The following MIPOL1 variants were observed in gnomAD, a reference collection of about 807,000 sequenced individuals.
The protein encoded by MIPOL1 is mirror-image polydactyly 1.
Under a neutral mutation model 60.9 loss-of-function variants are expected in MIPOL1, and 57 were observed. The observed-to-expected ratio is 0.94, with a 90% confidence interval of 0.76 to 1.17. The LOEUF is 1.17. Ranked by LOEUF, MIPOL1 falls within the 50% of genes most tolerant of loss-of-function variation. MIPOL1 has a pLI of 0.00. For synonymous variants in MIPOL1, 179 were observed against 168.8 expected, an observed-to-expected ratio of 1.06 and a Z score of -0.47; for missense variants, 551 against 511.6, an observed-to-expected ratio of 1.08 and a Z score of -0.74.
At chr14:37,478,692 C>T (rs1263279135) in intron 11 of MIPOL1, among the ~76,000 whole-genome samples, 2 of 151,858 alleles carry the variant, frequency 1.3e-5, no homozygotes, top group Admixed American at 6.6e-5. Context: ...TTTAAGGACA[C>T]ATAGACTGAA....
chr14:37,230,509 G>A (rs767894094), intron 1 of MIPOL1, among the ~76,000 whole-genome samples: 4 of 152,122 alleles, frequency 2.6e-5, no homozygotes, highest in Middle Eastern at 3.2e-3. Context: ...AAGGGACAGC[G>A]TGAATACTAA....
chr14:37,238,713 G>A (rs1971872795), intron 1 of MIPOL1, among the ~76,000 whole-genome samples: 1 of 151,768 alleles, frequency 6.6e-6, no homozygotes, highest in Admixed American at 6.6e-5. Flanking sequence ...CACTTCGGAA[G>A]GTGGACTCTG....
intron 11 of MIPOL1, among the ~76,000 whole-genome samples, chr14:37,482,987 A>G (rs2094893700): frequency 6.6e-6 from 1 of 152,094 alleles, no homozygotes; most frequent in Admixed American, 6.6e-5. Context: ...ACATCCTCCT[A>G]TATACCTTAA....
At chr14:37,552,283 AT>A (rs1231881375), downstream of MIPOL1, 1 of 152,122 alleles carries the variant, frequency 6.6e-6, no homozygotes, top group African/African-American at 2.4e-5. Context: ...CATAATTGTA[AT>A]TTTTTTAACT....
intron 12 of MIPOL1, among the ~76,000 whole-genome samples, chr14:37,533,094 A>G (rs1055020876): frequency 1.3e-5 from 2 of 152,154 alleles, no homozygotes; most frequent in Non-Finnish European, 2.9e-5. Flanking sequence ...TATGATGAGT[A>G]TGCATCATAA....
At chr14:37,255,141 A>G (rs1974724417) in intron 3 of MIPOL1, among the ~76,000 whole-genome samples, 1 of 151,874 alleles carries the variant, frequency 6.6e-6, no homozygotes, top group Admixed American at 6.6e-5. Flanking sequence ...CTTGTAACAC[A>G]TATTTACAAC....
intron 3 of MIPOL1, among the ~76,000 whole-genome samples, chr14:37,264,812 C>T (rs930733642): frequency 2.6e-5 from 4 of 152,064 alleles, no homozygotes; most frequent in Non-Finnish European, 4.4e-5. Flanking sequence ...CAGTTTTTGT[C>T]GGCTTTCTCA....
chr14:37,323,923 A>G (rs1238829672), intron 9 of MIPOL1, among the ~76,000 whole-genome samples: 4 of 152,024 alleles, frequency 2.6e-5, no homozygotes, highest in Admixed American at 1.3e-4. Flanking sequence ...ACTGATAAGT[A>G]ATACTTCATT....
chr14:37,463,984 G>A (rs138959155), intron 11 of MIPOL1, among the ~76,000 whole-genome samples: 45 of 152,212 alleles, frequency 3.0e-4, no homozygotes, highest in Middle Eastern at 3.4e-3. Flanking sequence ...TGACATACAT[G>A]TGGCCAACAA....
chr14:37,493,770 T>A (rs930691121), intron 11 of MIPOL1, among the ~76,000 whole-genome samples: 1 of 152,226 alleles, frequency 6.6e-6, no homozygotes, highest in Admixed American at 6.5e-5. Context: ...CAGAAATAGT[T>A]AACATCCTAT....
At chr14:37,407,435 C>T (rs376328526) in intron 10 of MIPOL1, among the ~76,000 whole-genome samples, 21 of 152,104 alleles carry the variant, frequency 1.4e-4, no homozygotes, top group East Asian at 9.6e-4. Context: ...AGGAATATTT[C>T]AATTTCTATT....
At chr14:37,326,562 G>A (rs2089181627) in intron 9 of MIPOL1, among the ~76,000 whole-genome samples, 1 of 152,188 alleles carries the variant, frequency 6.6e-6, no homozygotes, top group Admixed American at 6.5e-5. Flanking sequence ...AGATTGCTCA[G>A]GGAATGGTGC....
At chr14:37,341,843 T>C (rs1453505637) in intron 9 of MIPOL1, among the ~76,000 whole-genome samples, 5 of 152,238 alleles carry the variant, frequency 3.3e-5, no homozygotes, top group African/African-American at 1.2e-4. Context: ...TAAAAATTTG[T>C]TGACAACTGA....
intron 9 of MIPOL1, among the ~76,000 whole-genome samples, chr14:37,322,255 T>C (rs956552109): frequency 1.1e-4 from 17 of 152,022 alleles, no homozygotes; most frequent in African/African-American, 4.1e-4. Context: ...GTCTGACAAG[T>C]GCATACAACT....
At chr14:37,512,965 G>A (rs560053672) in intron 12 of MIPOL1, among the ~76,000 whole-genome samples, 1 of 152,074 alleles carries the variant, frequency 6.6e-6, no homozygotes, top group Non-Finnish European at 1.5e-5. Flanking sequence ...GTAATAAGTC[G>A]AATAGTTATT....
At chr14:37,338,601 C>T (rs1216464350) in intron 9 of MIPOL1, among the ~76,000 whole-genome samples, 1 of 151,754 alleles carries the variant, frequency 6.6e-6, no homozygotes, top group Non-Finnish European at 1.5e-5. Context: ...TTGAGACAGG[C>T]TTTTGCCGTG....
intron 9 of MIPOL1, among the ~76,000 whole-genome samples, chr14:37,357,131 G>A (rs938661542): frequency 4.6e-5 from 7 of 152,080 alleles, no homozygotes; most frequent in Admixed American, 1.3e-4. Flanking sequence ...CCCAGTAGTG[G>A]GATTGCTGGA....
chr14:37,205,055 C>T (rs981179630), intron 1 of MIPOL1, among the ~76,000 whole-genome samples: 9 of 151,596 alleles, frequency 5.9e-5, no homozygotes, highest in East Asian at 3.9e-4. Flanking sequence ...AGAGATTTGT[C>T]GAACTTTGAA....
chr14:37,409,808 T>C (rs961165047), intron 10 of MIPOL1, among the ~76,000 whole-genome samples: 5 of 152,072 alleles, frequency 3.3e-5, no homozygotes, highest in African/African-American at 1.2e-4. Context: ...TTATAATTCA[T>C]ACATTAGAAG....
Sources: gnomAD v4.1 joint callset for allele counts (sites outside exome capture counted in the v4.1 genomes callset) on GRCh38, gnomAD v4.1.1 for gene constraint, MANE v1.5 for transcripts, NCBI Gene and HGNC (gene_info 2026-07-23, HGNC 2026-07-21) for gene names.